Variants in IMMP2L observed in about 807,000 individuals in gnomAD.
IMMP2L encodes mitochondrial inner membrane protease subunit 2.
IMMP2L carries 18 observed loss-of-function variants against 19.3 expected under a neutral mutation model. The observed-to-expected ratio is 0.93, with a 90% CI of 0.64 to 1.38. IMMP2L has a LOEUF of 1.38. Among genes scored for constraint, IMMP2L ranks in the 40% most tolerant of loss-of-function variants. IMMP2L has a pLI of 0.00. For synonymous variants in IMMP2L, 76 were observed against 73.0 expected (o/e 1.04, Z -0.21); for missense variants, 233 against 218.2 (o/e 1.07, Z -0.43).
intron 2 of IMMP2L, among the ~76,000 whole-genome samples, chr7:111,519,353 C>A (rs775661154): frequency 6.6e-6 from 1 of 152,068 alleles, no homozygotes. Flanking sequence ...ATATAATAAG[C>A]CTTCCAATAA....
intron 3 of IMMP2L, among the ~76,000 whole-genome samples, chr7:111,053,343 GTT>G (rs1793173282): frequency 6.6e-6 from 1 of 152,154 alleles, no homozygotes; most frequent in Non-Finnish European, 1.5e-5. Flanking sequence ...TGTGCAGTGT[GTT>G]TACTAGAGTT....
At chr7:111,419,613 T>G (rs879335576) in intron 3 of IMMP2L, among the ~76,000 whole-genome samples, 5 of 151,824 alleles carry the variant, frequency 3.3e-5, no homozygotes, top group Non-Finnish European at 7.4e-5. Flanking sequence ...TGCTTTGAGT[T>G]GTCCTGCCTT....
intron 5 of IMMP2L, among the ~76,000 whole-genome samples, chr7:110,746,615 A>G (rs1019187363): frequency 6.6e-6 from 1 of 152,226 alleles, no homozygotes; most frequent in African/African-American, 2.4e-5. Flanking sequence ...AAACTGCACA[A>G]CTATATAGAA....
At chr7:111,421,515 C>A (rs1408478535) in intron 3 of IMMP2L, among the ~76,000 whole-genome samples, 2 of 151,482 alleles carry the variant, frequency 1.3e-5, no homozygotes, top group Non-Finnish European at 2.9e-5. Flanking sequence ...CTTGATCCAC[C>A]CGCCTCGGCC....
chr7:110,920,212 C>T (rs1205100780), intron 4 of IMMP2L, among the ~76,000 whole-genome samples: 3 of 152,114 alleles, frequency 2.0e-5, no homozygotes, highest in South Asian at 2.1e-4. Context: ...CTTGTGATCA[C>T]GTGAGTCAAT....
chr7:110,825,656 C>A lies in IMMP2L; in HGVS notation c.408+60937G>T, dbSNP rs376369938. On this transcript the variant is annotated intron_variant, in intron 5 of 5. Coordinates refer to ENST00000405709, the MANE Select transcript of IMMP2L (RefSeq NM_032549.4). The stretch of plus-strand genomic sequence containing the variant: ...CATATGTAGAAAGCTGAAACTGGAT[C>A]CCTTCCTTACACCTTATACAAAAAT... 3.6e-4 allele frequency among the ~76,000 whole-genome samples: 55 copies of A among 152,214 alleles called. No homozygotes were observed. In the East Asian group the frequency reaches 6.4e-3, roughly 18 times the overall value.
intron 3 of IMMP2L, among the ~76,000 whole-genome samples, chr7:111,328,002 T>TA (rs1319156964): frequency 6.6e-6 from 1 of 151,702 alleles, no homozygotes; most frequent in East Asian, 1.9e-4. Context: ...TAAAGCAGCA[T>TA]AACCACCCAC....
intron 3 of IMMP2L, among the ~76,000 whole-genome samples, chr7:111,016,867 T>G (rs1205934791): frequency 1.2e-5 from 1 of 86,888 alleles, no homozygotes. Context: ...ATATAATATA[T>G]TACATATAAT....
chr7:110,857,560 T>C (rs983977742), intron 5 of IMMP2L, among the ~76,000 whole-genome samples: 7 of 152,130 alleles, frequency 4.6e-5, no homozygotes, highest in African/African-American at 1.4e-4. Flanking sequence ...GTTAAAAATA[T>C]AGATTCCTGG....
intron 3 of IMMP2L, among the ~76,000 whole-genome samples, chr7:111,295,369 T>A (rs891992270): frequency 1.2e-4 from 18 of 151,914 alleles, no homozygotes; most frequent in African/African-American, 4.3e-4. Flanking sequence ...AAAACACATA[T>A]GACAAAGCTT....
chr7:111,056,395 C>A (rs1255405702), intron 3 of IMMP2L, among the ~76,000 whole-genome samples: 1 of 152,214 alleles, frequency 6.6e-6, no homozygotes, highest in African/African-American at 2.4e-5. Context: ...CTTATATTTA[C>A]ACACAATAAT....
At chr7:111,057,753 T>G (rs1793647803) in intron 3 of IMMP2L, among the ~76,000 whole-genome samples, 1 of 152,224 alleles carries the variant, frequency 6.6e-6, no homozygotes, top group East Asian at 1.9e-4. Flanking sequence ...TATGTGGTGC[T>G]TTCAAGCCTG....
Position 111,205,748 on chromosome 7 carries a change from T to G in IMMP2L, c.240-242183A>C, listed in dbSNP as rs1445595746. ...TTGCTCCCATTCTGCTCTCTCCCAG[T>G]TGCTGCTCTAGAGCTGAGTCTAATC... On this transcript the variant is annotated intron_variant, in intron 3 of 5. Coordinates refer to ENST00000405709, the MANE Select transcript of IMMP2L (RefSeq NM_032549.4). Among the ~76,000 whole-genome samples, 6 of 152,294 alleles carry G rather than the reference T, an allele frequency of 3.9e-5. No homozygotes were observed. In the East Asian group the frequency reaches 1.2e-3, roughly 29 times the overall value.
chr7:110,665,494 A>C (rs974485593), intron 5 of IMMP2L, among the ~76,000 whole-genome samples: 1 of 152,214 alleles, frequency 6.6e-6, no homozygotes, highest in African/African-American at 2.4e-5. Context: ...CAATTGTCCC[A>C]CTGATGTCTT....
intron 3 of IMMP2L, among the ~76,000 whole-genome samples, chr7:111,009,261 C>A (rs759946196): frequency 1.3e-5 from 2 of 152,064 alleles, no homozygotes; most frequent in Non-Finnish European, 2.9e-5. Flanking sequence ...TTCAGTTAAG[C>A]CAAAATGTTC....
intron 3 of IMMP2L, among the ~76,000 whole-genome samples, chr7:111,375,319 A>C (rs1830590410): frequency 6.6e-6 from 1 of 152,112 alleles, no homozygotes; most frequent in Admixed American, 6.6e-5. Context: ...GCCACCAAAA[A>C]AAAAAGTGGT....
chr7:110,998,561 G>A (rs201054424), intron 3 of IMMP2L, among the ~76,000 whole-genome samples: 5 of 152,076 alleles, frequency 3.3e-5, no homozygotes, highest in Non-Finnish European at 7.4e-5. Context: ...CAATATGTAC[G>A]CTGCTCTTTT....
intron 5 of IMMP2L, among the ~76,000 whole-genome samples, chr7:110,790,757 G>A (rs56044138): frequency 0.064 from 9,680 of 151,678 alleles, 434 homozygotes; most frequent in Middle Eastern, 0.088. Flanking sequence ...CCAGAGCAAT[G>A]TTCAATTGTA....
At chr7:111,423,931 A>G (rs2131624893) in intron 3 of IMMP2L, among the ~76,000 whole-genome samples, 1 of 152,022 alleles carries the variant, frequency 6.6e-6, no homozygotes, top group South Asian at 2.1e-4. Context: ...AGTTAACTAT[A>G]CTAATGGCTA....
Sources: gnomAD v4.1 joint callset for allele counts (sites outside exome capture counted in the v4.1 genomes callset) on GRCh38, gnomAD v4.1.1 for gene constraint, MANE v1.5 for transcripts, NCBI Gene and HGNC (gene_info 2026-07-23, HGNC 2026-07-21) for gene names.